The following SLC24A2 variants were observed in gnomAD, a reference collection of about 807,000 sequenced individuals.
SLC24A2 encodes the protein sodium/potassium/calcium exchanger 2.
A neutral mutation model predicts 62.0 loss-of-function variants in SLC24A2; 36 were observed. That is an observed-to-expected ratio of 0.58 (90% confidence interval 0.44 to 0.77). The LOEUF is 0.77. Among genes scored for constraint, SLC24A2 ranks in the 30% least tolerant of loss-of-function variants. SLC24A2 has a pLI of 0.00. For synonymous variants in SLC24A2, 358 were observed against 294.0 expected, an observed-to-expected ratio of 1.22 and a Z score of -2.23; for missense variants, 846 against 817.9, an observed-to-expected ratio of 1.03 and a Z score of -0.42.
At chr9:20,280,720 T>C in the SLC24A2 span, among the ~76,000 whole-genome samples, 1 of 152,010 alleles carries the variant, frequency 6.6e-6, no homozygotes, top group East Asian at 1.9e-4. Flanking sequence ...GGTAACAGGG[T>C]TTTAGAAGAC....
intron 2 of SLC24A2, among the ~76,000 whole-genome samples, chr9:19,755,112 G>C (rs903160417): frequency 2.6e-5 from 4 of 152,140 alleles, no homozygotes; most frequent in Non-Finnish European, 4.4e-5. Context: ...GATGGCCTGG[G>C]CTTAAATCCT....
At chr9:19,787,116 T>A in intron 1 of SLC24A2, 97 bp from the exon 2 acceptor site, 1 of 655,214 alleles carries the variant, frequency 1.5e-6, no homozygotes. Flanking sequence ...CCTGCAGCTG[T>A]GCGATCTTGG....
chr9:19,814,949 A>C, the SLC24A2 span, among the ~76,000 whole-genome samples: 2 of 152,328 alleles, frequency 1.3e-5, no homozygotes, highest in Middle Eastern at 3.4e-3. Context: ...GGTTTGGAAA[A>C]TGTGGTCTTG....
the SLC24A2 span, among the ~76,000 whole-genome samples, chr9:20,067,067 T>C: frequency 3.3e-5 from 5 of 152,232 alleles, no homozygotes; most frequent in African/African-American, 9.6e-5. Flanking sequence ...TTCTAGATGG[T>C]ATTTTTTATA....
chr9:19,699,415 C>T (rs184030535), intron 2 of SLC24A2, among the ~76,000 whole-genome samples: 201 of 152,202 alleles, frequency 1.3e-3, no homozygotes, highest in African/African-American at 4.4e-3. Flanking sequence ...ACCAAAGTTG[C>T]AGCATTATGT....
At chr9:19,548,423 T>C (rs1834686084) in intron 8 of SLC24A2, among the ~76,000 whole-genome samples, 1 of 152,238 alleles carries the variant, frequency 6.6e-6, no homozygotes, top group African/African-American at 2.4e-5. Context: ...TTCTTTCTAC[T>C]TATGCCAACA....
At chr9:20,112,257 A>T in the SLC24A2 span, among the ~76,000 whole-genome samples, 8 of 152,190 alleles carry the variant, frequency 5.3e-5, no homozygotes, top group Non-Finnish European at 8.8e-5. Flanking sequence ...GTAAGAACAC[A>T]ATCCTCGATA....
At chr9:19,698,528 T>C (rs751814234) in intron 2 of SLC24A2, among the ~76,000 whole-genome samples, 4 of 152,192 alleles carry the variant, frequency 2.6e-5, no homozygotes, top group Non-Finnish European at 4.4e-5. Context: ...ACTCTAAAAT[T>C]AGATTTGTAA....
At chr9:19,838,087 C>G in the SLC24A2 span, among the ~76,000 whole-genome samples, 1 of 151,888 alleles carries the variant, frequency 6.6e-6, no homozygotes, top group East Asian at 1.9e-4. Context: ...TCATATGGAA[C>G]CAAAAAAGAG....
At chr9:19,525,770 T>G (rs1833421383) in intron 9 of SLC24A2, among the ~76,000 whole-genome samples, 1 of 149,000 alleles carries the variant, frequency 6.7e-6, no homozygotes, top group Non-Finnish European at 1.5e-5. Context: ...CTACTGTTTT[T>G]TTTTTTTTTT....
chr9:20,251,379 G>A, the SLC24A2 span, among the ~76,000 whole-genome samples: 3 of 150,116 alleles, frequency 2.0e-5, no homozygotes, highest in Non-Finnish European at 3.0e-5. Flanking sequence ...CATTTCAAAC[G>A]AGTAAACTCA....
At chr9:19,953,933 A>T in the SLC24A2 span, among the ~76,000 whole-genome samples, 1 of 151,928 alleles carries the variant, frequency 6.6e-6, no homozygotes, top group Non-Finnish European at 1.5e-5. Flanking sequence ...TAGTTTTCAC[A>T]CTGTCCTATT....
the SLC24A2 span, among the ~76,000 whole-genome samples, chr9:20,098,438 T>C: frequency 6.6e-6 from 1 of 152,230 alleles, no homozygotes; most frequent in Non-Finnish European, 1.5e-5. Flanking sequence ...AATACTTCTA[T>C]GGCATTATAT....
chr9:20,084,845 T>C, the SLC24A2 span, among the ~76,000 whole-genome samples: 1 of 152,220 alleles, frequency 6.6e-6, no homozygotes, highest in Non-Finnish European at 1.5e-5. Context: ...AAAAAATTCT[T>C]CTTTTCAGGA....
chr9:20,173,045 T>A, the SLC24A2 span, among the ~76,000 whole-genome samples: 2,816 of 152,094 alleles, frequency 0.019, 87 homozygotes, highest in African/African-American at 0.064. Flanking sequence ...AGACAATAAA[T>A]GTGATACACC....
the SLC24A2 span, among the ~76,000 whole-genome samples, chr9:19,971,544 C>G: frequency 6.6e-6 from 1 of 152,182 alleles, no homozygotes; most frequent in Non-Finnish European, 1.5e-5. Flanking sequence ...CTGGTACCAA[C>G]CACTCAGGGA....
At chr9:19,518,399 T>C (rs1263767040) in intron 10 of SLC24A2, among the ~76,000 whole-genome samples, 2 of 151,792 alleles carry the variant, frequency 1.3e-5, no homozygotes, top group Non-Finnish European at 1.5e-5. Context: ...GCTTTATTTT[T>C]CTTTTCTTTC....
intron 2 of SLC24A2, among the ~76,000 whole-genome samples, chr9:19,647,127 T>C (rs1206763543): frequency 6.7e-6 from 1 of 150,008 alleles, no homozygotes; most frequent in Non-Finnish European, 1.5e-5. Flanking sequence ...CCCTGTACTG[T>C]AGGAGGGTTC....
intron 8 of SLC24A2, among the ~76,000 whole-genome samples, chr9:19,544,255 C>CTTTTTTTTTTTTTTTTTTTTTTTT (rs375479154): frequency 8.1e-6 from 1 of 124,044 alleles, no homozygotes; most frequent in Non-Finnish European, 1.6e-5. Flanking sequence ...GCAACCCCTG[C>CTTTTTTTTTTTTTTTTTTTTTTTT]TTTTTTTTTT....
Sources: allele counts gnomAD v4.1 joint callset (sites outside exome capture counted in the v4.1 genomes callset), GRCh38; gene constraint gnomAD v4.1.1; transcripts MANE v1.5; gene names NCBI Gene and HGNC (gene_info 2026-07-23, HGNC 2026-07-21).